Variants in PRICKLE2 observed in about 807,000 individuals in gnomAD.
PRICKLE2 encodes the protein prickle planar cell polarity protein 2.
PRICKLE2 carries 21 observed loss-of-function variants against 81.4 expected under a neutral mutation model. The ratio of observed to expected loss-of-function variants is 0.26; its 90% confidence interval spans 0.18 to 0.37. The LOEUF (loss-of-function observed/expected upper bound fraction) is 0.37. Ranked by LOEUF, PRICKLE2 falls within the 10% of genes least tolerant of loss-of-function variation. The pLI, the probability that PRICKLE2 is intolerant of heterozygous loss-of-function variation, is 1.00. For missense variants in PRICKLE2, 940 were observed against 1,109.0 expected (o/e 0.85, Z 2.16); for synonymous variants, 456 against 421.5 (o/e 1.08, Z -1.00).
chr3:64,118,641 T>C (rs1238902494), intron 7 of PRICKLE2, among the ~76,000 whole-genome samples: 4 of 151,798 alleles, frequency 2.6e-5, no homozygotes, highest in African/African-American at 7.3e-5. Flanking sequence ...AAAACCATGA[T>C]GAGATAACTA....
intron 2 of PRICKLE2, among the ~76,000 whole-genome samples, chr3:64,238,237 A>G (rs950381407): frequency 1.3e-5 from 2 of 152,336 alleles, no homozygotes; most frequent in Admixed American, 1.3e-4. Flanking sequence ...CCGTAATCCC[A>G]GCCCTTTGGG....
At chr3:64,198,994 G>C in intron 1 of PRICKLE2, 27 bp from the exon 2 acceptor site, 1 of 1,607,530 alleles carries the variant, frequency 6.2e-7, no homozygotes, top group African/African-American at 1.3e-5. Flanking sequence ...TAGAAGGTGA[G>C]AAAGAGGAAA....
chr3:64,136,539 T>C (rs1024663034), intron 7 of PRICKLE2, among the ~76,000 whole-genome samples: 3 of 151,464 alleles, frequency 2.0e-5, no homozygotes, highest in South Asian at 2.1e-4. Context: ...CATGGAGAAA[T>C]AGACTCCCCA....
At chr3:64,128,591 C>T (rs899118629) in intron 7 of PRICKLE2, among the ~76,000 whole-genome samples, 1 of 151,796 alleles carries the variant, frequency 6.6e-6, no homozygotes, top group South Asian at 2.1e-4. Flanking sequence ...ACTAAAAATA[C>T]AAAAAATTAG....
At chr3:64,259,446 C>T (rs1051071678) in intron 2 of PRICKLE2, among the ~76,000 whole-genome samples, 3 of 152,094 alleles carry the variant, frequency 2.0e-5, no homozygotes, top group South Asian at 2.1e-4. Context: ...TTCCTGGGAC[C>T]GAGGAGCTCG....
At chr3:64,244,153 G>A (rs947364614) in intron 2 of PRICKLE2, among the ~76,000 whole-genome samples, 5 of 152,128 alleles carry the variant, frequency 3.3e-5, no homozygotes, top group South Asian at 2.1e-4. Flanking sequence ...ATAGCATTTG[G>A]GAAGTTACCG....
chr3:64,210,148 T>G (rs991424010), intron 1 of PRICKLE2, among the ~76,000 whole-genome samples: 3 of 152,100 alleles, frequency 2.0e-5, no homozygotes, highest in Non-Finnish European at 4.4e-5. Flanking sequence ...CGGTGCCATT[T>G]TAGTGGGTGT....
At chr3:64,223,260 C>T (rs1006706679) in intron 1 of PRICKLE2, among the ~76,000 whole-genome samples, 1 of 152,184 alleles carries the variant, frequency 6.6e-6, no homozygotes. Context: ...TATGTGGCTG[C>T]CACTGTGCTC....
intron 7 of PRICKLE2, among the ~76,000 whole-genome samples, chr3:64,120,097 A>G (rs1330365015): frequency 6.6e-6 from 1 of 152,180 alleles, no homozygotes; most frequent in African/African-American, 2.4e-5. Flanking sequence ...AAATCTAACT[A>G]TTGGGTACTA....
At chr3:64,101,871 T>C (rs538976636) in intron 7 of PRICKLE2, 2 of 152,186 alleles carry the variant, frequency 1.3e-5, no homozygotes, top group Non-Finnish European at 2.9e-5. Context: ...GCTTATTAGT[T>C]GCAAGGGAAG....
intron 2 of PRICKLE2, among the ~76,000 whole-genome samples, chr3:64,235,331 T>C (rs1272708325): frequency 6.6e-6 from 1 of 152,228 alleles, no homozygotes. Context: ...TTGAACACAT[T>C]TATAATTGTT....
intron 2 of PRICKLE2, among the ~76,000 whole-genome samples, chr3:64,191,967 G>A (rs1239117849): frequency 6.6e-6 from 1 of 152,184 alleles, no homozygotes. Context: ...CTTGGAGCTG[G>A]TGGAGCTGCC....
chr3:64,188,533 T>C (rs2078276447), intron 2 of PRICKLE2, among the ~76,000 whole-genome samples: 1 of 152,236 alleles, frequency 6.6e-6, no homozygotes, highest in African/African-American at 2.4e-5. Flanking sequence ...ATACTAGTGC[T>C]ACTGGTATGG....
intron 2 of PRICKLE2, among the ~76,000 whole-genome samples, chr3:64,264,045 C>T (rs959355005): frequency 3.9e-5 from 6 of 151,920 alleles, no homozygotes; most frequent in African/African-American, 9.7e-5. Flanking sequence ...AAGAGAAGAC[C>T]GCCCACCCCA....
chr3:64,115,859 T>C (rs1201508243), intron 7 of PRICKLE2, among the ~76,000 whole-genome samples: 1 of 152,180 alleles, frequency 6.6e-6, no homozygotes. Flanking sequence ...GATAGATATC[T>C]ATAGAACTCT....
chr3:64,128,745 A>C (rs2077151962), intron 7 of PRICKLE2, among the ~76,000 whole-genome samples: 2 of 29,742 alleles, frequency 6.7e-5, no homozygotes, highest in East Asian at 0.031. Context: ...GACTGTCTCA[A>C]AAAAAAAAAA....
Position 64,159,728 on chromosome 3 carries a change from G to C in PRICKLE2, c.396+212C>G, listed in dbSNP as rs143011853. ...GTACATTCAAGTCTCCTTCCTTGCT[G>C]TATCTTTTTCTATTTTGTTGATTAC... On this transcript the variant is annotated intron_variant, in intron 4 of 7. Transcript: ENST00000638394. Among the ~76,000 whole-genome samples, 277 of 152,276 alleles carry C rather than the reference G, an allele frequency of 1.8e-3. 3 individuals carry two copies. The highest frequency in any genetic ancestry group is 6.4e-3 in the African/African-American group (266 of 41,552).
At chr3:64,173,232 T>C (rs990035273) in intron 2 of PRICKLE2, among the ~76,000 whole-genome samples, 1 of 152,238 alleles carries the variant, frequency 6.6e-6, no homozygotes, top group Admixed American at 6.5e-5. Flanking sequence ...TACTGATTTG[T>C]AGCATTTGCC....
At chr3:64,166,760 A>G (rs1423892070) in intron 2 of PRICKLE2, among the ~76,000 whole-genome samples, 1 of 152,192 alleles carries the variant, frequency 6.6e-6, no homozygotes, top group Non-Finnish European at 1.5e-5. Context: ...CCCATATCAC[A>G]TGGTAGGTGA....
Sources: allele counts gnomAD v4.1 joint callset (sites outside exome capture counted in the v4.1 genomes callset), GRCh38; gene constraint gnomAD v4.1.1; transcripts MANE v1.5; gene names NCBI Gene and HGNC (gene_info 2026-07-23, HGNC 2026-07-21).